Variants in PIBF1 observed in about 807,000 individuals in gnomAD.
PIBF1 encodes progesterone immunomodulatory binding factor 1.
A neutral mutation model predicts 112.5 loss-of-function variants in PIBF1; 90 were observed. The observed-to-expected ratio is 0.80, with a 90% CI of 0.67 to 0.95. PIBF1 has a LOEUF of 0.95. Among genes scored for constraint, PIBF1 ranks in the 40% least tolerant of loss-of-function variants. The probability of loss-of-function intolerance (pLI) is 0.00; values close to 1 mark genes in which losing one functional copy is unlikely to be tolerated. For missense variants in PIBF1, 915 were observed against 852.3 expected, an observed-to-expected ratio of 1.07 and a Z score of -0.92; for synonymous variants, 301 against 288.6, an observed-to-expected ratio of 1.04 and a Z score of -0.44.
In PIBF1 at chr13:72,927,949, A is replaced by ATATATATACG. The variant is rs1555316843; in HGVS notation, c.1731-3208_1731-3207insCGTATATATA. ...TACCATTTCTAATATATGTGTGTATATATATATATACACATATATATATAT... is the reference window on the plus strand; with the variant it reads ...TACCATTTCTAATATATGTGTGTATATATATATACGTATATATATACACATATATATATAT... On this transcript the variant is annotated intron_variant, in intron 13 of 17. Transcript: ENST00000326291. 6.9e-5 allele frequency among the ~76,000 whole-genome samples: 5 copies of ATATATATACG among 72,368 alleles called. 1 individual carries two copies. Among genetic ancestry groups the ATATATATACG allele is most frequent in the African/African-American group, 3.0e-4 (5 of 16,422 alleles). The allele number at this position is 72,368 out of a possible 152,430, so 47.5% of individuals were successfully genotyped here.
intron 15 of PIBF1, among the ~76,000 whole-genome samples, chr13:72,967,117 G>T (rs967930823): frequency 6.6e-6 from 1 of 151,884 alleles, no homozygotes; most frequent in Admixed American, 6.6e-5. Flanking sequence ...TGTATTTTTA[G>T]TGGAGACAGG....
chr13:72,976,919 T>G (rs1190548759), intron 16 of PIBF1, among the ~76,000 whole-genome samples: 1 of 152,100 alleles, frequency 6.6e-6, no homozygotes, highest in African/African-American at 2.4e-5. Flanking sequence ...GCAAGGCATC[T>G]AGGACACATG....
chr13:72,928,640 A>G (rs1044638229), intron 13 of PIBF1, among the ~76,000 whole-genome samples: 3 of 152,106 alleles, frequency 2.0e-5, no homozygotes, highest in Non-Finnish European at 4.4e-5. Flanking sequence ...GGGTTTCACC[A>G]TGTTGGCCAG....
chr13:72,868,507 T>C (rs189340035), intron 10 of PIBF1, among the ~76,000 whole-genome samples: 2 of 152,274 alleles, frequency 1.3e-5, no homozygotes, highest in East Asian at 3.9e-4. Flanking sequence ...AAAGTCAAGG[T>C]ATGATAAATA....
intron 9 of PIBF1, among the ~76,000 whole-genome samples, chr13:72,839,371 A>T (rs1412535113): frequency 2.0e-5 from 3 of 152,210 alleles, no homozygotes; most frequent in Non-Finnish European, 4.4e-5. Context: ...ATAGTTTTTA[A>T]AACATTAGAA....
At chr13:72,994,664 A>G (rs918264941) in intron 16 of PIBF1, among the ~76,000 whole-genome samples, 13 of 152,214 alleles carry the variant, frequency 8.5e-5, no homozygotes, top group Admixed American at 2.6e-4. Context: ...GCCAAACTCA[A>G]ATGCAAACAA....
At chr13:72,898,216 A>G (rs761160080) in intron 11 of PIBF1, among the ~76,000 whole-genome samples, 1 of 152,154 alleles carries the variant, frequency 6.6e-6, no homozygotes, top group Non-Finnish European at 1.5e-5. Flanking sequence ...AATGAGCATC[A>G]GGTCAAAAAT....
At chr13:72,783,833 C>A in intron 2 of PIBF1, 112 bp downstream of exon 2, 1 of 1,032,446 alleles carries the variant, frequency 9.7e-7, no homozygotes, top group Non-Finnish European at 1.4e-6. Context: ...ATTTATATTT[C>A]TTGACAAGTA....
Position 72,992,911 on chromosome 13 carries a change from C to G in PIBF1, c.2050-5911C>G, listed in dbSNP as rs74939859. ...AACTATCAGAAACTGGAAGAAAAAG[C>G]ATAGAAGGAAAAAAATAGCAATAAA... On this transcript the variant is annotated intron_variant, in intron 16 of 17. Coordinates refer to ENST00000326291, the MANE Select transcript of PIBF1 (RefSeq NM_006346.4). 9.6e-3 allele frequency among the ~76,000 whole-genome samples: 1,463 copies of G among 152,000 alleles called. 13 individuals carry two copies. The highest frequency in any genetic ancestry group is 0.016 in the Non-Finnish European group (1,055 of 67,956).
At chr13:72,899,485 T>C (rs1227337577) in intron 11 of PIBF1, among the ~76,000 whole-genome samples, 1 of 152,170 alleles carries the variant, frequency 6.6e-6, no homozygotes, top group Non-Finnish European at 1.5e-5. Context: ...AGTCAATAAA[T>C]GTGATAACCA....
At chr13:72,911,619 G>T (rs907340069) in intron 12 of PIBF1, among the ~76,000 whole-genome samples, 7 of 152,186 alleles carry the variant, frequency 4.6e-5, no homozygotes, top group Non-Finnish European at 1.0e-4. Context: ...TGATAAAGTA[G>T]ATGTCATCAA....
At chr13:72,952,957 G>A (rs575669590) in intron 14 of PIBF1, among the ~76,000 whole-genome samples, 2 of 152,018 alleles carry the variant, frequency 1.3e-5, no homozygotes, top group East Asian at 3.9e-4. Context: ...CCAGTAGGAG[G>A]TGCCCATAGG....
chr13:72,968,525 T>C (rs1434407593), intron 15 of PIBF1, among the ~76,000 whole-genome samples: 3 of 151,894 alleles, frequency 2.0e-5, no homozygotes, highest in Non-Finnish European at 4.4e-5. Flanking sequence ...GTTCTTGAAC[T>C]CCTGACCTCA....
intron 17 of PIBF1, among the ~76,000 whole-genome samples, chr13:73,002,055 A>T (rs977784707): frequency 6.6e-6 from 1 of 152,220 alleles, no homozygotes; most frequent in African/African-American, 2.4e-5. Flanking sequence ...TATGTGACAG[A>T]GTCATTGTTC....
intron 5 of PIBF1, among the ~76,000 whole-genome samples, chr13:72,804,626 C>G (rs886635799): frequency 2.2e-4 from 33 of 152,080 alleles, no homozygotes; most frequent in African/African-American, 8.0e-4. Context: ...GGGGAATTTT[C>G]ATTTATGTGG....
chr13:72,921,212 C>A (rs942614417), intron 13 of PIBF1, among the ~76,000 whole-genome samples: 1 of 152,110 alleles, frequency 6.6e-6, no homozygotes. Context: ...AAGCAATTCT[C>A]CTGCCTCAGC....
At chr13:72,879,317 T>G (rs1439258250) in intron 10 of PIBF1, among the ~76,000 whole-genome samples, 3 of 152,172 alleles carry the variant, frequency 2.0e-5, no homozygotes, top group African/African-American at 7.2e-5. Context: ...GAGGTTAAAG[T>G]GTTTTTAGTA....
intron 5 of PIBF1, among the ~76,000 whole-genome samples, chr13:72,813,852 A>C (rs1370825082): frequency 6.8e-5 from 4 of 58,906 alleles, no homozygotes; most frequent in Non-Finnish European, 9.8e-5. Context: ...CTTGGAGATA[A>C]GCTACAAAAT....
chr13:72,825,391 A>G (rs1262536624), intron 6 of PIBF1, among the ~76,000 whole-genome samples: 3 of 152,262 alleles, frequency 2.0e-5, no homozygotes, highest in Non-Finnish European at 2.9e-5. Context: ...ACAAATGCAC[A>G]TGTATGAGTA....
Sources: gnomAD v4.1 joint callset for allele counts (sites outside exome capture counted in the v4.1 genomes callset) on GRCh38, gnomAD v4.1.1 for gene constraint, MANE v1.5 for transcripts, NCBI Gene and HGNC (gene_info 2026-07-23, HGNC 2026-07-21) for gene names.